Variants in MINAR1 observed in about 807,000 individuals in gnomAD.
MINAR1 encodes major intrinsically disordered Notch2-binding receptor 1.
A neutral mutation model predicts 65.1 loss-of-function variants in MINAR1; 40 were observed. The ratio of observed to expected loss-of-function variants is 0.61; its 90% CI spans 0.48 to 0.80. MINAR1 has a LOEUF of 0.80. Among genes scored for constraint, MINAR1 ranks in the 30% least tolerant of loss-of-function variants. The pLI is 0.00. For synonymous variants in MINAR1, 482 were observed against 449.1 expected (o/e 1.07, Z -0.93); for missense variants, 1,128 against 1,148.0 (o/e 0.98, Z 0.25).
At chr15:79,464,882 T>C (rs1447008596) in intron 3 of MINAR1, among the ~76,000 whole-genome samples, 1 of 130,266 alleles carries the variant, frequency 7.7e-6, no homozygotes, top group African/African-American at 3.1e-5. Context: ...CTCCCTCCGG[T>C]GGAATATTTC....
At chr15:79,429,815 T>C (rs960068993), upstream of MINAR1, among the ~76,000 whole-genome samples, 1 of 152,192 alleles carries the variant, frequency 6.6e-6, no homozygotes, top group Non-Finnish European at 1.5e-5. Context: ...GTGGGGAAGA[T>C]GGGCTGTGCA....
chr15:79,463,181 C>T lies in MINAR1; in HGVS notation c.2413C>T (p.His805Tyr). The change falls in exon 3 of 4, where the codon CAC becomes TAC. Residue 805 changes from histidine (H) to tyrosine (Y), a missense_variant. Coordinates refer to ENST00000305428, the MANE Select transcript of MINAR1 (RefSeq NM_015206.3). ...CCCCTACCCTGCCTCCCTCAAGGCC[C>T]ACATGAAGAGCAACCCCCTGTACAC... ...PHPYPASLKA[H>Y]MKSNPLYTDM... 1 of 1,614,244 alleles carries T rather than the reference C, an allele frequency of 6.2e-7. No homozygotes were observed. Among genetic ancestry groups the T allele is most frequent in the Non-Finnish European group, 8.5e-7 (1 of 1,180,052 alleles).
intron 1 of MINAR1, among the ~76,000 whole-genome samples, chr15:79,434,770 G>C (rs942204811): frequency 1.3e-5 from 2 of 152,182 alleles, no homozygotes; most frequent in Non-Finnish European, 2.9e-5. Context: ...AAGAAAAGAA[G>C]GCTATGAAGC....
rs770176990 is a variant in MINAR1 at position 79,463,138 on chromosome 15, G to C, written c.2370G>C (p.Glu790Asp). Reference protein sequence around the residue: ...PKQPKDGFLVEQVFSPHPYPA... With the variant: ...PKQPKDGFLVDQVFSPHPYPA... ...AGCCCAAAGATGGCTTCCTGGTGGAGCAGGTGTTCAGCCCTCACCCCTACC... is the reference window on the plus strand; with the variant it reads ...AGCCCAAAGATGGCTTCCTGGTGGACCAGGTGTTCAGCCCTCACCCCTACC... The change falls in exon 3 of 4, where the codon GAG (glutamate) becomes GAC (aspartate). Residue 790 changes from glutamate to aspartate, a missense_variant. Physicochemically the swap from Glu to Asp is conservative, Grantham distance 45 (BLOSUM62 2). Transcript: ENST00000305428. The C allele has an allele frequency of 2.5e-5, 40 of 1,614,076 alleles. No individual in the cohort carries two copies. Among genetic ancestry groups the C allele is most frequent in the Middle Eastern group, 1.6e-4 (1 of 6,084 alleles).
At chr15:79,462,805 A>G (rs1475887282) in intron 2 of MINAR1, among the ~76,000 whole-genome samples, 3 of 152,216 alleles carry the variant, frequency 2.0e-5, no homozygotes, top group African/African-American at 7.2e-5. Flanking sequence ...GGGATTCACA[A>G]TGGTAGTGAT....
In MINAR1 at chr15:79,472,111, C is replaced by T. The variant is rs1896107696; in HGVS notation, c.*3727C>T. On this transcript the variant is annotated 3_prime_UTR_variant, in exon 4 of 4. Coordinates refer to ENST00000305428, the MANE Select transcript of MINAR1 (RefSeq NM_015206.3). The stretch of plus-strand genomic sequence containing the variant: ...AGGGACTGTCTTTTCTATGTTTGTT[C>T]TGTACAGCTCTCAGCACACTCTTGG... 1 of 152,486 alleles carries T rather than the reference C, an allele frequency of 6.6e-6. No individual in the cohort carries two copies. The highest frequency in any genetic ancestry group is 1.5e-5 in the Non-Finnish European group (1 of 68,002). The allele number at this position is 152,486 out of a possible 1,614,324, so 9.4% of individuals were successfully genotyped here.
rs1391423748 is a variant in MINAR1, at chr15:79,457,918, G to C, written c.1771G>C (p.Glu591Gln). ...TGAAAACACCCACCACTCGGAAGAA[G>C]AGCTGAAGACCAGTGTGTGCAAACT... ...RPENTHHSEE[E>Q]LKTSVCKLVL... The change falls in exon 2 of 4, where the codon GAG becomes CAG. Residue 591 changes from glutamate to glutamine, a missense_variant. Coordinates refer to ENST00000305428, the MANE Select transcript of MINAR1 (RefSeq NM_015206.3). 10 of 1,614,206 alleles carry C rather than the reference G, an allele frequency of 6.2e-6. No individual in the cohort carries two copies. Among genetic ancestry groups the C allele is most frequent in the Non-Finnish European group, 8.5e-6 (10 of 1,180,050 alleles).
At chr15:79,466,288 C>T (rs997124455) in intron 3 of MINAR1, among the ~76,000 whole-genome samples, 2 of 152,130 alleles carry the variant, frequency 1.3e-5, no homozygotes, top group Non-Finnish European at 2.9e-5. Context: ...ATTGTAGTGT[C>T]GCATAGCATG....
intron 1 of MINAR1, among the ~76,000 whole-genome samples, chr15:79,448,253 A>G (rs1469352344): frequency 6.6e-6 from 1 of 152,228 alleles, no homozygotes; most frequent in Non-Finnish European, 1.5e-5. Flanking sequence ...GCTTTGCACT[A>G]GGGTTGAGCT....
Position 79,457,681 on chromosome 15 carries a change from G to A in MINAR1, c.1534G>A (p.Glu512Lys). 6.2e-7 allele frequency: 1 copy of A among 1,614,188 alleles called. No homozygotes were observed. The change falls in exon 2 of 4, where the codon GAA becomes AAA. Residue 512 changes from glutamate to lysine, a missense_variant. Glu to Lys is a moderately conservative substitution (Grantham distance 56). Coordinates refer to ENST00000305428, the MANE Select transcript of MINAR1 (RefSeq NM_015206.3). Reference protein sequence around the residue: ...HTMKHSDDDSEIVSDDISDIF... With the variant: ...HTMKHSDDDSKIVSDDISDIF... ...CATGAAGCACTCAGACGATGACTCA[G>A]AAATTGTCAGCGACGACATCAGTGA...
intron 1 of MINAR1, among the ~76,000 whole-genome samples, chr15:79,452,739 TGTG>T (rs141068923): frequency 0.16 from 21,146 of 128,780 alleles, 1,686 homozygotes; most frequent in Non-Finnish European, 0.18. Flanking sequence ...TGTGTGGGTG[TGTG>T]GGGGGGGTGT....
At chr15:79,451,206 A>G (rs545310284) in intron 1 of MINAR1, among the ~76,000 whole-genome samples, 2 of 152,218 alleles carry the variant, frequency 1.3e-5, no homozygotes, top group Admixed American at 6.5e-5. Flanking sequence ...AAAACTCCTA[A>G]AGACCTGGAC....
the MINAR1 span, chr15:79,414,761 A>C: frequency 6.6e-6 from 1 of 152,208 alleles, no homozygotes; most frequent in East Asian, 1.9e-4. Flanking sequence ...CTAGAGGGGC[A>C]CTTGGGTTCA....
At chr15:79,439,477 T>A (rs1231999171) in intron 1 of MINAR1, among the ~76,000 whole-genome samples, 1 of 150,876 alleles carries the variant, frequency 6.6e-6, no homozygotes, top group Non-Finnish European at 1.5e-5. Context: ...CATGAGTATG[T>A]GGGATATGGT....
chr15:79,456,599 C>A lies in MINAR1; in HGVS notation c.452C>A (p.Pro151His), dbSNP rs766240984. ...LSERSFSRGY[P>H]IRQSSKCRKM... ...GAGAGGTCTTTCAGCCGGGGCTACCCCATCAGGCAGTCGTCCAAGTGCCGG... is the reference window on the plus strand; with the variant it reads ...GAGAGGTCTTTCAGCCGGGGCTACCACATCAGGCAGTCGTCCAAGTGCCGG... The change falls in exon 2 of 4, where the codon CCC becomes CAC. Residue 151 changes from proline (P) to histidine (H), a missense_variant. Transcript: ENST00000305428. 2 of 1,614,036 alleles carry A rather than the reference C, an allele frequency of 1.2e-6. No individual in the cohort carries two copies. The highest frequency in any genetic ancestry group is 1.7e-6 in the Non-Finnish European group (2 of 1,180,038).
intron 2 of MINAR1, among the ~76,000 whole-genome samples, 186 bp from the exon 3 acceptor site, chr15:79,462,881 A>G (rs1895697743): frequency 6.6e-6 from 1 of 152,230 alleles, no homozygotes; most frequent in South Asian, 2.1e-4. Context: ...TAGTAACATT[A>G]TGATCATAAG....
chr15:79,458,138 T>A lies in MINAR1; in HGVS notation c.1991T>A (p.Phe664Tyr), dbSNP rs529989597. The change falls in exon 2 of 4, where the codon TTC becomes TAC. Residue 664 changes from phenylalanine (F) to tyrosine (Y), a missense_variant. By Grantham distance (22) the Phe-to-Tyr change is conservative (BLOSUM62 3). Coordinates refer to ENST00000305428, the MANE Select transcript of MINAR1 (RefSeq NM_015206.3). ...GATGACAGTGCCTCTCCCCGGATGT[T>A]CCACGCACACAGTGGCTCCCACGGA... ...PSDDSASPRM[F>Y]HAHSGSHGPK... 6.2e-7 allele frequency: 1 copy of A among 1,614,074 alleles called. No individual in the cohort carries two copies. The highest frequency in any genetic ancestry group is 8.5e-7 in the Non-Finnish European group (1 of 1,179,974).
chr15:79,433,259 T>C (rs543526873), intron 1 of MINAR1, among the ~76,000 whole-genome samples: 1 of 152,158 alleles, frequency 6.6e-6, no homozygotes, highest in African/African-American at 2.4e-5. Flanking sequence ...TCGCCGGCGG[T>C]GCGGGGAGCG....
chr15:79,427,053 TGTG>T, the MINAR1 span: 1 of 152,122 alleles, frequency 6.6e-6, no homozygotes, highest in Non-Finnish European at 1.5e-5. Flanking sequence ...GATAAAAAAA[TGTG>T]GTACATATGC....
Sources: allele counts gnomAD v4.1 joint callset (sites outside exome capture counted in the v4.1 genomes callset), GRCh38; gene constraint gnomAD v4.1.1; transcripts MANE v1.5; gene names NCBI Gene and HGNC (gene_info 2026-07-23, HGNC 2026-07-21).